The following EPHA5 variants were observed in gnomAD, a reference collection of about 807,000 sequenced individuals.
EPHA5 encodes the protein EPH receptor A5.
Under a neutral mutation model 105.0 loss-of-function variants are expected in EPHA5, and 60 were observed. The ratio of observed to expected loss-of-function variants is 0.57; its 90% CI spans 0.46 to 0.71. The LOEUF (loss-of-function observed/expected upper bound fraction) is 0.71, where lower values mean the gene tolerates loss of function less well. Ranked by LOEUF, EPHA5 falls within the 30% of genes least tolerant of loss-of-function variation. The pLI is 0.00. For missense variants in EPHA5, 1,218 were observed against 1,274.7 expected, an observed-to-expected ratio of 0.96 and a Z score of 0.68; for synonymous variants, 513 against 449.1, an observed-to-expected ratio of 1.14 and a Z score of -1.80.
At chr4:65,541,236 A>T (rs1315672486) in intron 3 of EPHA5, among the ~76,000 whole-genome samples, 6 of 151,788 alleles carry the variant, frequency 4.0e-5, no homozygotes, top group African/African-American at 9.7e-5. Context: ...TGATAGGATA[A>T]AATTCACATA....
intron 5 of EPHA5, among the ~76,000 whole-genome samples, chr4:65,432,476 C>T (rs1469811671): frequency 6.6e-6 from 1 of 152,040 alleles, no homozygotes; most frequent in African/African-American, 2.4e-5. Flanking sequence ...ATGTTTGAAA[C>T]CTTTGTTGAA....
intron 5 of EPHA5, among the ~76,000 whole-genome samples, chr4:65,463,153 C>T (rs1305906572): frequency 6.6e-6 from 1 of 152,134 alleles, no homozygotes; most frequent in Non-Finnish European, 1.5e-5. Flanking sequence ...CTCTCTACTA[C>T]TTTGCCACTT....
At chr4:65,448,060 A>G (rs1387030573) in intron 5 of EPHA5, among the ~76,000 whole-genome samples, 1 of 152,042 alleles carries the variant, frequency 6.6e-6, no homozygotes, top group African/African-American at 2.4e-5. Context: ...TAATACCAAT[A>G]TCAATTTCTT....
At chr4:65,564,978 T>C (rs960698649) in intron 3 of EPHA5, among the ~76,000 whole-genome samples, 5 of 151,700 alleles carry the variant, frequency 3.3e-5, no homozygotes, top group Non-Finnish European at 4.4e-5. Flanking sequence ...TAGTCTATAA[T>C]TTCCACTTAT....
At position 65,393,997 on chromosome 4, in the gene EPHA5, C is replaced by T. The variant is rs549996656; in HGVS notation, c.1793+10377G>A. Among the ~76,000 whole-genome samples, 29 of 152,242 alleles carry T rather than the reference C, an allele frequency of 1.9e-4. No homozygotes were observed. In the South Asian group the frequency reaches 6.0e-3, roughly 32 times the overall value. ...AGATACATTAAATGGTGAACTAAAA[C>T]TACTTTAGTGAGAAAATAAAGTTTT... On this transcript the variant is annotated intron_variant, in intron 8 of 16. Coordinates refer to ENST00000613740, the MANE Select transcript of EPHA5 (RefSeq NM_001281766.3).
chr4:65,386,114 C>T (rs184894551), intron 8 of EPHA5, among the ~76,000 whole-genome samples: 10 of 151,878 alleles, frequency 6.6e-5, no homozygotes, highest in Admixed American at 6.6e-4. Context: ...ATAAACATTA[C>T]TAAAACACAA....
In EPHA5 at chr4:65,569,421, T is replaced by C. The variant is rs1739891217; in HGVS notation, c.910+32220A>G. Among the ~76,000 whole-genome samples, 4 of 151,762 alleles carry C rather than the reference T, an allele frequency of 2.6e-5. No individual in the cohort carries two copies. In the South Asian group the frequency reaches 6.2e-4, roughly 24 times the overall value. ...ACAGTTGAGGATCATAGAACAGATA[T>C]ATCAGTATAAGAATAGAATAACACA... On this transcript the variant is annotated intron_variant, in intron 3 of 16. Coordinates refer to ENST00000613740, the MANE Select transcript of EPHA5 (RefSeq NM_001281766.3).
At chr4:65,460,956 T>A (rs554914051) in intron 5 of EPHA5, among the ~76,000 whole-genome samples, 32 of 152,002 alleles carry the variant, frequency 2.1e-4, no homozygotes, top group African/African-American at 6.7e-4. Context: ...AATCATCAAA[T>A]TGCTATTAGT....
At chr4:65,516,380 C>T (rs147313732) in intron 3 of EPHA5, among the ~76,000 whole-genome samples, 398 of 152,002 alleles carry the variant, frequency 2.6e-3, no homozygotes, top group African/African-American at 9.0e-3. Context: ...GAGAAATCTT[C>T]ATCGTTGCTC....
chr4:65,639,288 T>G (rs999783685), intron 2 of EPHA5, among the ~76,000 whole-genome samples: 1 of 152,226 alleles, frequency 6.6e-6, no homozygotes, highest in African/African-American at 2.4e-5. Context: ...TTTGATCATT[T>G]ATAGTTGCAC....
intron 3 of EPHA5, among the ~76,000 whole-genome samples, chr4:65,551,182 GATAA>G (rs66750546): frequency 0.075 from 4,631 of 62,040 alleles, 103 homozygotes; most frequent in African/African-American, 0.14. Context: ...AGTAGGTTTG[GATAA>G]ATAAATGATA....
At chr4:65,362,177 G>A (rs1717395570) in intron 11 of EPHA5, among the ~76,000 whole-genome samples, 1 of 151,460 alleles carries the variant, frequency 6.6e-6, no homozygotes, top group Non-Finnish European at 1.5e-5. Context: ...TCAAGCTTCT[G>A]GCATGTGATA....
chr4:65,409,098 C>A (rs1207276918), intron 7 of EPHA5, among the ~76,000 whole-genome samples: 1 of 140,820 alleles, frequency 7.1e-6, no homozygotes, highest in Non-Finnish European at 1.5e-5. Context: ...GAACAAAAAA[C>A]CAAACACCGC....
At chr4:65,627,656 T>C (rs1317112446) in intron 2 of EPHA5, among the ~76,000 whole-genome samples, 1 of 152,142 alleles carries the variant, frequency 6.6e-6, no homozygotes, top group African/African-American at 2.4e-5. Context: ...GCCATTTCTA[T>C]GTCTAACCAT....
intron 8 of EPHA5, among the ~76,000 whole-genome samples, chr4:65,386,914 G>A (rs1046445539): frequency 6.6e-6 from 1 of 151,620 alleles, no homozygotes; most frequent in Non-Finnish European, 1.5e-5. Context: ...AGAAATTAGG[G>A]CAATTGACTT....
In EPHA5 at chr4:65,338,471, C is replaced by CT. The variant is rs550204699; in HGVS notation, c.2596-2347dup. ...TAATTCGATTTTTTTCTTTAGCACC[C>CT]TTTTTTTTTCAATAATCCTTCCTCC... On this transcript the variant is annotated intron_variant, in intron 14 of 16. Coordinates refer to ENST00000613740, the MANE Select transcript of EPHA5 (RefSeq NM_001281766.3). 4.1e-3 allele frequency among the ~76,000 whole-genome samples: 619 copies of CT among 150,730 alleles called. 4 individuals are homozygous for CT. The highest frequency in any genetic ancestry group is 6.5e-3 in the Non-Finnish European group (442 of 67,582).
intron 2 of EPHA5, among the ~76,000 whole-genome samples, chr4:65,629,636 A>C (rs1444425043): frequency 6.6e-6 from 1 of 152,182 alleles, no homozygotes; most frequent in Non-Finnish European, 1.5e-5. Context: ...ATATTTATGG[A>C]AATACTTCCT....
chr4:65,373,092 C>A (rs965539858), intron 8 of EPHA5, among the ~76,000 whole-genome samples: 1 of 151,752 alleles, frequency 6.6e-6, no homozygotes, highest in Non-Finnish European at 1.5e-5. Context: ...TGCTAGAGTA[C>A]GTAACTTCCT....
At chr4:65,386,692 A>T (rs1296285465) in intron 8 of EPHA5, among the ~76,000 whole-genome samples, 4 of 151,996 alleles carry the variant, frequency 2.6e-5, no homozygotes, top group Non-Finnish European at 4.4e-5. Flanking sequence ...TAAATTTTAT[A>T]TTGTTATGTT....
Sources: gnomAD v4.1 joint callset for allele counts (sites outside exome capture counted in the v4.1 genomes callset) on GRCh38, gnomAD v4.1.1 for gene constraint, MANE v1.5 for transcripts, NCBI Gene and HGNC (gene_info 2026-07-23, HGNC 2026-07-21) for gene names.